GFOD1: variants seen among roughly 807,000 people sequenced by gnomAD.
GFOD1 encodes Gfo/Idh/MocA-like oxidoreductase domain containing 1.
GFOD1 carries 9 observed loss-of-function variants against 25.4 expected under a neutral mutation model. That is an observed-to-expected ratio of 0.35 (90% CI 0.21 to 0.62). The LOEUF (loss-of-function observed/expected upper bound fraction) is 0.62, where lower values mean the gene tolerates loss of function less well. GFOD1 is among the 20% of genes least tolerant of loss of function. The probability of loss-of-function intolerance (pLI) is 0.72; values close to 1 mark genes in which losing one functional copy is unlikely to be tolerated. For synonymous variants in GFOD1, 253 were observed against 245.6 expected (o/e 1.03, Z -0.28); for missense variants, 403 against 556.9 (o/e 0.72, Z 2.78).
At chr6:13,484,193 C>G (rs1253143116) in intron 1 of GFOD1, among the ~76,000 whole-genome samples, 4 of 152,140 alleles carry the variant, frequency 2.6e-5, no homozygotes, top group African/African-American at 4.8e-5. Context: ...CTTTGACAGG[C>G]CTGTGACCAG....
At chr6:13,393,780 C>CTTTTTTTTTTTTTTTTT (rs70989854) in intron 1 of GFOD1, among the ~76,000 whole-genome samples, 3 of 120,288 alleles carry the variant, frequency 2.5e-5, no homozygotes, top group Admixed American at 1.0e-4. Context: ...TTTTTCTTTT[C>CTTTTTTTTTTTTTTTTT]TTTTTTTTTT....
At chr6:13,454,328 C>T (rs577578997) in intron 1 of GFOD1, among the ~76,000 whole-genome samples, 4 of 152,306 alleles carry the variant, frequency 2.6e-5, no homozygotes, top group Non-Finnish European at 4.4e-5. Context: ...TACTTTGTTA[C>T]GGCAACTCCC....
At chr6:13,376,507 A>AC (rs1584612389) in intron 1 of GFOD1, among the ~76,000 whole-genome samples, 2 of 152,078 alleles carry the variant, frequency 1.3e-5, no homozygotes, top group East Asian at 3.9e-4. Context: ...AAGCCACACT[A>AC]CCCCCATAGA....
Position 13,394,973 on chromosome 6 carries a change from G to A in GFOD1, c.254-29311C>T, listed in dbSNP as rs572228433. 2.0e-5 allele frequency among the ~76,000 whole-genome samples: 3 copies of A among 152,144 alleles called. No individual in the cohort carries two copies. In the South Asian group the frequency reaches 6.2e-4, roughly 32 times the overall value. On this transcript the variant is annotated intron_variant, in intron 1 of 1. Transcript: ENST00000379287. ...ATTTTTAAAAAATTTTGTAGAGATA[G>A]GGTCTCACTGTGTTTCCCTGGCTGG...
intron 1 of GFOD1, among the ~76,000 whole-genome samples, chr6:13,479,432 C>G (rs1333224187): frequency 6.6e-6 from 1 of 152,188 alleles, no homozygotes; most frequent in Non-Finnish European, 1.5e-5. Context: ...ACCTGTCAAC[C>G]TTTCCTTTCA....
Position 13,364,561 on chromosome 6 carries a change from A to T in GFOD1, c.*182T>A, listed in dbSNP as rs1318173622. 3 of 600,354 alleles carry T rather than the reference A, an allele frequency of 5.0e-6. No homozygotes were observed. Among genetic ancestry groups the T allele is most frequent in the African/African-American group, 3.7e-5 (2 of 53,914 alleles). The allele number at this position is 600,354 out of a possible 1,614,324, so 37.2% of individuals were successfully genotyped here. A position where few individuals can be genotyped will look rare whatever the true frequency, so the allele number is the denominator to read the frequency against. ...TTCCAGGCTAGGAGCTCAGCCCACC[A>T]ACAGTCTGGTTTGGGGTCGGTCACC... On this transcript the variant is annotated 3_prime_UTR_variant, in exon 2 of 2. Coordinates refer to ENST00000379287, the MANE Select transcript of GFOD1 (RefSeq NM_018988.4). This position sits in a 1 kb window ranked among gnomAD's most constrained non-coding sequence, Gnocchi z 4.1.
chr6:13,406,267 A>G (rs9357720), intron 1 of GFOD1, among the ~76,000 whole-genome samples: 105,007 of 152,054 alleles, frequency 0.69, 37,670 homozygotes, highest in South Asian at 0.83. Flanking sequence ...TCCCATTTCT[A>G]GTGGAAATAA....
chr6:13,381,027 A>C (rs939133106), intron 1 of GFOD1, among the ~76,000 whole-genome samples: 1 of 152,146 alleles, frequency 6.6e-6, no homozygotes, highest in African/African-American at 2.4e-5. Flanking sequence ...ACCCAATGAC[A>C]ACCACTGAGC....
At chr6:13,385,646 T>C (rs1372057174) in intron 1 of GFOD1, among the ~76,000 whole-genome samples, 2 of 152,230 alleles carry the variant, frequency 1.3e-5, no homozygotes, top group Non-Finnish European at 2.9e-5. Flanking sequence ...TGTTAGCTCA[T>C]TGAGCAACTT....
chr6:13,453,024 T>C (rs1433562199), intron 1 of GFOD1, among the ~76,000 whole-genome samples: 1 of 152,244 alleles, frequency 6.6e-6, no homozygotes, highest in Non-Finnish European at 1.5e-5. Context: ...TTTGTGAACA[T>C]TCACATGCCG....
intron 1 of GFOD1, among the ~76,000 whole-genome samples, chr6:13,483,407 G>A (rs1001410225): frequency 3.3e-5 from 5 of 152,192 alleles, no homozygotes; most frequent in African/African-American, 4.8e-5. Flanking sequence ...CCACCAGGAC[G>A]TGAGGCTGGG....
intron 1 of GFOD1, among the ~76,000 whole-genome samples, chr6:13,400,318 C>T (rs770009650): frequency 1.3e-5 from 2 of 152,198 alleles, no homozygotes; most frequent in Non-Finnish European, 2.9e-5. Context: ...GAATCCTCCC[C>T]ATCTCTCCAA....
intron 1 of GFOD1, among the ~76,000 whole-genome samples, chr6:13,423,794 G>T (rs1786301420): frequency 6.6e-6 from 1 of 152,096 alleles, no homozygotes; most frequent in Non-Finnish European, 1.5e-5. Flanking sequence ...CATCCTTTTT[G>T]ATCTACCTCC....
rs1048276165 is a variant in GFOD1, at chr6:13,359,911, A to C, written c.*4832T>G. The C allele has an allele frequency of 6.7e-6, 1 of 148,524 alleles. No homozygotes were observed. Among genetic ancestry groups the C allele is most frequent in the Non-Finnish European group, 1.5e-5 (1 of 67,874 alleles). 9.2% of individuals were successfully genotyped at this position (148,524 alleles called of 1,614,324 possible). A position where few individuals can be genotyped will look rare whatever the true frequency, so the allele number is the denominator to read the frequency against. ...CAGTGAGCTGAGATCACGCCATTGC[A>C]CTCCAGCCTGGGTGACAGAGTAAGA... On this transcript the variant is annotated 3_prime_UTR_variant, in exon 2 of 2. Transcript: ENST00000379287.
intron 1 of GFOD1, among the ~76,000 whole-genome samples, chr6:13,425,211 C>G (rs1032514795): frequency 2.6e-5 from 4 of 152,174 alleles, no homozygotes; most frequent in African/African-American, 9.7e-5. Context: ...CCTCCCACCT[C>G]AGCTTTCCAA....
At chr6:13,393,873 G>A (rs973476799) in intron 1 of GFOD1, among the ~76,000 whole-genome samples, 2 of 144,686 alleles carry the variant, frequency 1.4e-5, no homozygotes, top group East Asian at 2.1e-4. Context: ...TCCGCCTCCC[G>A]GGTTCGGCCA....
At chr6:13,461,248 T>G (rs773143357) in intron 1 of GFOD1, among the ~76,000 whole-genome samples, 6 of 152,204 alleles carry the variant, frequency 3.9e-5, no homozygotes, top group Non-Finnish European at 7.3e-5. Context: ...TGGTGGGTCC[T>G]CAGTAAGTGT....
intron 1 of GFOD1, among the ~76,000 whole-genome samples, chr6:13,484,666 A>T (rs1487409141): frequency 1.3e-5 from 2 of 152,194 alleles, no homozygotes; most frequent in Non-Finnish European, 2.9e-5. Flanking sequence ...AAATAAGAAC[A>T]GAAGAAGTAT....
chr6:13,458,983 G>T (rs941992170), intron 1 of GFOD1, among the ~76,000 whole-genome samples: 1 of 152,044 alleles, frequency 6.6e-6, no homozygotes, highest in Non-Finnish European at 1.5e-5. Flanking sequence ...ATCTTGCTGT[G>T]GTTTGAATGT....
Sources: allele counts gnomAD v4.1 joint callset (sites outside exome capture counted in the v4.1 genomes callset), GRCh38; gene constraint gnomAD v4.1.1; non-coding constraint Gnocchi (gnomAD v3.1); transcripts MANE v1.5; gene names NCBI Gene and HGNC (gene_info 2026-07-23, HGNC 2026-07-21).